PTBP3: variants seen among roughly 807,000 people sequenced by gnomAD.
PTBP3 encodes the protein polypyrimidine tract-binding protein 3.
A neutral mutation model predicts 58.7 loss-of-function variants in PTBP3; 20 were observed. That is an observed-to-expected ratio of 0.34 (90% CI 0.24 to 0.50). The LOEUF (loss-of-function observed/expected upper bound fraction) is 0.50, where lower values mean the gene tolerates loss of function less well. Ranked by LOEUF, PTBP3 falls within the 20% of genes least tolerant of loss-of-function variation. The pLI is 0.98. For missense variants in PTBP3, 509 were observed against 637.2 expected, an observed-to-expected ratio of 0.80 and a Z score of 2.17; for synonymous variants, 185 against 219.8, an observed-to-expected ratio of 0.84 and a Z score of 1.40.
intron 3 of PTBP3, chr9:112,272,457 C>T (rs568630403): frequency 3.9e-5 from 6 of 152,192 alleles, no homozygotes; most frequent in Admixed American, 1.3e-4. Context: ...AAATTTAAAA[C>T]GCAGGAACCA....
rs1448594010 is a variant in PTBP3 at position 112,225,825 on chromosome 9, T to C, written c.1364+1586A>G. Among the ~76,000 whole-genome samples, 8 of 152,246 alleles carry C rather than the reference T, an allele frequency of 5.3e-5. No individual in the cohort carries two copies. The East Asian group carries it at 1.5e-3, about 29-fold the overall frequency. On this transcript the variant is annotated intron_variant, in intron 12 of 13. Transcript: ENST00000374257. ...TAATCCCAACACTTTGGGAGGCAGATTGCTTGAGCTCAGAAGTTAGAGATC... is the reference window on the plus strand; with the variant it reads ...TAATCCCAACACTTTGGGAGGCAGACTGCTTGAGCTCAGAAGTTAGAGATC...
chr9:112,244,392 T>A (rs13294052), intron 7 of PTBP3, among the ~76,000 whole-genome samples: 13 of 149,222 alleles, frequency 8.7e-5, no homozygotes, highest in African/African-American at 3.0e-4. Flanking sequence ...TGAACAAACA[T>A]CCAGGCTGCA....
At chr9:112,315,770 A>G (rs1490699522) in intron 1 of PTBP3, among the ~76,000 whole-genome samples, 1 of 152,212 alleles carries the variant, frequency 6.6e-6, no homozygotes, top group Non-Finnish European at 1.5e-5. Flanking sequence ...CCAATCTTAC[A>G]CAAATTATTT....
In PTBP3 at chr9:112,313,669, A is replaced by G. The variant is rs545237487; in HGVS notation, c.-51-15753T>C. On this transcript the variant is annotated intron_variant, in intron 1 of 13. Transcript: ENST00000374257. Reference sequence around the variant, plus strand: ...CAGTTTGTACATGGGCCTGTCCATAAGATAACTTACAACATGGCAGCTCAC... The same window carrying G: ...CAGTTTGTACATGGGCCTGTCCATAGGATAACTTACAACATGGCAGCTCAC... Among the ~76,000 whole-genome samples, 3 of 152,306 alleles carry G rather than the reference A, an allele frequency of 2.0e-5. No homozygotes were observed. The East Asian group carries it at 5.8e-4, about 29-fold the overall frequency.
At chr9:112,268,300 A>C in intron 3 of PTBP3, 105 bp from the exon 4 acceptor site, 1 of 1,120,432 alleles carries the variant, frequency 8.9e-7, no homozygotes, top group Non-Finnish European at 1.2e-6. Context: ...CTCTCAAGTA[A>C]AATGACATTT....
intron 2 of PTBP3, among the ~76,000 whole-genome samples, chr9:112,282,378 A>G (rs1827909391): frequency 6.6e-6 from 1 of 151,994 alleles, no homozygotes; most frequent in Non-Finnish European, 1.5e-5. Flanking sequence ...TTTTGCTTTC[A>G]TCTTTAATAT....
the PTBP3 span, among the ~76,000 whole-genome samples, chr9:112,359,302 C>T: frequency 1.3e-5 from 2 of 151,362 alleles, no homozygotes; most frequent in African/African-American, 4.9e-5. Flanking sequence ...AAAAAATTAG[C>T]CGGGTATGAT....
At chr9:112,271,895 TG>T (rs1827401499) in intron 3 of PTBP3, among the ~76,000 whole-genome samples, 1 of 152,156 alleles carries the variant, frequency 6.6e-6, no homozygotes, top group Non-Finnish European at 1.5e-5. Context: ...TCAAGTGATT[TG>T]ATATCTGTAG....
intron 5 of PTBP3, among the ~76,000 whole-genome samples, chr9:112,257,737 C>T (rs567475048): frequency 2.0e-5 from 3 of 152,212 alleles, no homozygotes; most frequent in African/African-American, 7.2e-5. Flanking sequence ...GTCAGGAGTT[C>T]GAGACCAGCC....
intron 1 of PTBP3, among the ~76,000 whole-genome samples, chr9:112,310,343 A>G (rs967404001): frequency 4.6e-5 from 7 of 152,242 alleles, no homozygotes; most frequent in African/African-American, 1.7e-4. Context: ...AGCATATTGA[A>G]TATTTTCTTT....
the PTBP3 span, among the ~76,000 whole-genome samples, chr9:112,351,122 A>T: frequency 6.6e-6 from 1 of 152,088 alleles, no homozygotes; most frequent in African/African-American, 2.4e-5. Context: ...TAAAGTCCAT[A>T]CTTTATTAAG....
At chr9:112,226,025 C>G (rs1466859063) in intron 12 of PTBP3, among the ~76,000 whole-genome samples, 1 of 151,948 alleles carries the variant, frequency 6.6e-6, no homozygotes, top group Non-Finnish European at 1.5e-5. Context: ...GCCTGGGCAA[C>G]AGAGGGAGAC....
intron 2 of PTBP3, among the ~76,000 whole-genome samples, chr9:112,287,709 T>C (rs1406640662): frequency 6.6e-6 from 1 of 152,228 alleles, no homozygotes; most frequent in African/African-American, 2.4e-5. Context: ...TTTTCTTTTG[T>C]AGAATACAAT....
the PTBP3 span, among the ~76,000 whole-genome samples, chr9:112,356,338 A>G: frequency 2.6e-5 from 4 of 152,122 alleles, no homozygotes; most frequent in African/African-American, 9.7e-5. Context: ...CATACGTCTC[A>G]TAAGCCGTAA....
chr9:112,248,494 T>C (rs1218034279), intron 7 of PTBP3, among the ~76,000 whole-genome samples: 1 of 152,084 alleles, frequency 6.6e-6, no homozygotes, highest in Non-Finnish European at 1.5e-5. Flanking sequence ...CTTATTCGTG[T>C]AATAAATAAA....
chr9:112,273,908 CACTT>C (rs1204566671), intron 3 of PTBP3, among the ~76,000 whole-genome samples: 1 of 152,196 alleles, frequency 6.6e-6, no homozygotes, highest in African/African-American at 2.4e-5. Context: ...ATTAACATAA[CACTT>C]ACAGTTAGCT....
chr9:112,226,186 A>G (rs1834982670), intron 12 of PTBP3, among the ~76,000 whole-genome samples: 1 of 150,274 alleles, frequency 6.7e-6, no homozygotes, highest in African/African-American at 2.4e-5. Flanking sequence ...CTTTTAATCT[A>G]CTTTTTTTTT....
At position 112,290,412 on chromosome 9, in the gene PTBP3, C is replaced by T. The variant is rs185861316; in HGVS notation, c.34+7420G>A. Among the ~76,000 whole-genome samples, 373 of 152,158 alleles carry T rather than the reference C, an allele frequency of 2.5e-3. 2 individuals carry two copies. Among genetic ancestry groups the T allele is most frequent in the African/African-American group, 8.8e-3 (366 of 41,516 alleles). On this transcript the variant is annotated intron_variant, in intron 2 of 13. Transcript: ENST00000374257. ...AATATCGGCCAGGCATGGTGGCTCA[C>T]ACCTGTATTACCAGCACTTTGGGAA...
intron 12 of PTBP3, 83 bp from the exon 13 acceptor site, chr9:112,224,293 A>G (rs533748319): frequency 4.9e-6 from 4 of 820,852 alleles, no homozygotes; most frequent in East Asian, 2.7e-5. Context: ...TCAAATCTCT[A>G]GAGTACATTT....
Sources: allele counts gnomAD v4.1 joint callset (sites outside exome capture counted in the v4.1 genomes callset), GRCh38; gene constraint gnomAD v4.1.1; transcripts MANE v1.5; gene names NCBI Gene and HGNC (gene_info 2026-07-23, HGNC 2026-07-21).